Variants in STK32B observed in about 807,000 individuals in gnomAD.
STK32B encodes serine/threonine-protein kinase 32B.
STK32B carries 43 observed loss-of-function variants against 52.6 expected under a neutral mutation model. The observed-to-expected ratio is 0.82, with a 90% CI of 0.64 to 1.05. The LOEUF (loss-of-function observed/expected upper bound fraction) is 1.05. Ranked by LOEUF, STK32B falls within the 50% of genes least tolerant of loss-of-function variation. STK32B has a pLI of 0.00. For synonymous variants in STK32B, 238 were observed against 204.3 expected (o/e 1.17, Z -1.41); for missense variants, 621 against 534.6 (o/e 1.16, Z -1.59).
chr4:5,315,125 C>A (rs547167115), intron 3 of STK32B, among the ~76,000 whole-genome samples: 2 of 152,206 alleles, frequency 1.3e-5, no homozygotes, highest in South Asian at 4.1e-4. Flanking sequence ...CAAGTCTCAA[C>A]AGTAAATTTT....
intron 6 of STK32B, among the ~76,000 whole-genome samples, chr4:5,444,683 A>G (rs4459944): frequency 0.12 from 18,222 of 152,232 alleles, 1,588 homozygotes; most frequent in East Asian, 0.46. Flanking sequence ...CCTAATGTTC[A>G]TGGAGCACTC....
chr4:5,094,881 A>G (rs1005191332), intron 1 of STK32B, among the ~76,000 whole-genome samples: 5 of 152,184 alleles, frequency 3.3e-5, no homozygotes, highest in Non-Finnish European at 5.9e-5. Context: ...GTCTGAATCA[A>G]CAGTGCAATC....
At chr4:5,369,915 G>A (rs1487131286) in intron 4 of STK32B, among the ~76,000 whole-genome samples, 1 of 151,258 alleles carries the variant, frequency 6.6e-6, no homozygotes. Flanking sequence ...TTGCTCTGTC[G>A]CCCAGGCTGG....
chr4:5,311,779 A>G (rs908921701), intron 3 of STK32B, among the ~76,000 whole-genome samples: 5 of 152,114 alleles, frequency 3.3e-5, no homozygotes, highest in East Asian at 1.9e-4. Flanking sequence ...TAAATTCACA[A>G]TAGCTTCTGA....
the STK32B span, among the ~76,000 whole-genome samples, chr4:5,032,433 T>C: frequency 7.7e-6 from 1 of 129,432 alleles, no homozygotes; most frequent in Non-Finnish European, 1.5e-5. Flanking sequence ...GCCGAGATTG[T>C]GCCATTGCAC....
At position 5,134,384 on chromosome 4, in the gene STK32B, A is replaced by G. The variant is rs1715947277; in HGVS notation, c.53-5521A>G. On this transcript the variant is annotated intron_variant, in intron 1 of 11. Transcript: ENST00000282908. Reference sequence around the variant, plus strand: ...ATCACAAGAGTGAATTACAAAAGCAAGCTTAGCCCCCTCTTGCTCCTTTGT... The same window carrying G: ...ATCACAAGAGTGAATTACAAAAGCAGGCTTAGCCCCCTCTTGCTCCTTTGT... 3.3e-5 allele frequency among the ~76,000 whole-genome samples: 5 copies of G among 152,174 alleles called. No individual in the cohort carries two copies. The South Asian group carries it at 1.0e-3, about 32-fold the overall frequency.
At chr4:5,140,436 A>C in intron 2 of STK32B, 1 of 558,590 alleles carries the variant, frequency 1.8e-6, no homozygotes, top group Non-Finnish European at 2.5e-6. Flanking sequence ...CCACATACTC[A>C]GAAATTTTTT....
At chr4:5,171,405 T>C (rs993110454) in intron 3 of STK32B, among the ~76,000 whole-genome samples, 16 of 152,010 alleles carry the variant, frequency 1.1e-4, no homozygotes, top group Non-Finnish European at 2.1e-4. Flanking sequence ...TGAATGGTAT[T>C]GCCTAGGTTT....
At chr4:5,121,477 A>G (rs966182266) in intron 1 of STK32B, among the ~76,000 whole-genome samples, 1 of 152,228 alleles carries the variant, frequency 6.6e-6, no homozygotes. Context: ...CTAGTGAAAG[A>G]GGAAAAGCTG....
chr4:5,387,386 A>G (rs575054371), intron 4 of STK32B, among the ~76,000 whole-genome samples: 16 of 152,328 alleles, frequency 1.1e-4, no homozygotes, highest in Admixed American at 7.2e-4. Context: ...TCAGTCAGAT[A>G]ATCACACAAG....
intron 4 of STK32B, among the ~76,000 whole-genome samples, chr4:5,364,376 T>C (rs1734739606): frequency 6.6e-6 from 1 of 152,236 alleles, no homozygotes; most frequent in African/African-American, 2.4e-5. Context: ...AGACAGATCC[T>C]GCTTTGCAGG....
At chr4:5,134,497 A>G (rs1715955134) in intron 1 of STK32B, among the ~76,000 whole-genome samples, 1 of 152,190 alleles carries the variant, frequency 6.6e-6, no homozygotes, top group Non-Finnish European at 1.5e-5. Context: ...TGGACTTCTT[A>G]GCCTCCAGAA....
At chr4:5,477,366 T>C (rs1718321791) in intron 11 of STK32B, among the ~76,000 whole-genome samples, 1 of 152,116 alleles carries the variant, frequency 6.6e-6, no homozygotes, top group Non-Finnish European at 1.5e-5. Flanking sequence ...CTGTGTTGAA[T>C]TGAATTGTGT....
intron 3 of STK32B, among the ~76,000 whole-genome samples, chr4:5,265,929 G>C (rs1727027155): frequency 6.6e-6 from 1 of 152,068 alleles, no homozygotes. Flanking sequence ...TTAGATAATA[G>C]GATTAGGTAA....
intron 3 of STK32B, among the ~76,000 whole-genome samples, chr4:5,225,466 T>G (rs1172932200): frequency 2.0e-5 from 3 of 152,110 alleles, no homozygotes; most frequent in Non-Finnish European, 4.4e-5. Flanking sequence ...TGAGAAATTA[T>G]TTATTTATAA....
At chr4:5,339,083 T>G (rs1248905128) in intron 4 of STK32B, among the ~76,000 whole-genome samples, 4 of 152,186 alleles carry the variant, frequency 2.6e-5, no homozygotes, top group Non-Finnish European at 5.9e-5. Flanking sequence ...ATCCATCTTC[T>G]CCTGTCCTCA....
intron 3 of STK32B, among the ~76,000 whole-genome samples, chr4:5,311,633 A>T (rs1730295392): frequency 6.6e-6 from 1 of 152,186 alleles, no homozygotes; most frequent in Admixed American, 6.5e-5. Context: ...CATTAAACAG[A>T]TAAAGAGAAT....
At chr4:5,388,335 C>A (rs1372084195) in intron 4 of STK32B, among the ~76,000 whole-genome samples, 1 of 152,208 alleles carries the variant, frequency 6.6e-6, no homozygotes, top group African/African-American at 2.4e-5. Flanking sequence ...CTAATCATCA[C>A]TTATTGGGCA....
At chr4:5,445,997 G>T (rs1715377713) in intron 6 of STK32B, among the ~76,000 whole-genome samples, 1 of 152,106 alleles carries the variant, frequency 6.6e-6, no homozygotes, top group African/African-American at 2.4e-5. Context: ...CAACCCCCTG[G>T]GGGTTCTGTT....
Sources: gnomAD v4.1 joint callset for allele counts (sites outside exome capture counted in the v4.1 genomes callset) on GRCh38, gnomAD v4.1.1 for gene constraint, MANE v1.5 for transcripts, NCBI Gene and HGNC (gene_info 2026-07-23, HGNC 2026-07-21) for gene names.